The following EXOSC10 variants were observed in gnomAD, a reference collection of about 807,000 sequenced individuals.
The protein encoded by EXOSC10 is exosome component 10.
Under a neutral mutation model 126.6 loss-of-function variants are expected in EXOSC10, and 94 were observed. That is an observed-to-expected ratio of 0.74 (90% CI 0.63 to 0.88). The LOEUF (loss-of-function observed/expected upper bound fraction) is 0.88. Ranked by LOEUF, EXOSC10 falls within the 40% of genes least tolerant of loss-of-function variation. The probability of loss-of-function intolerance (pLI) is 0.00; values close to 1 mark genes in which losing one functional copy is unlikely to be tolerated. For synonymous variants in EXOSC10, 395 were observed against 400.8 expected, an observed-to-expected ratio of 0.99 and a Z score of 0.17; for missense variants, 1,041 against 1,100.5, an observed-to-expected ratio of 0.95 and a Z score of 0.77.
intron 9 of EXOSC10, among the ~76,000 whole-genome samples, chr1:11,083,308 T>A (rs1264565209): frequency 6.6e-6 from 1 of 152,122 alleles, no homozygotes; most frequent in Non-Finnish European, 1.5e-5. Context: ...ATCACGCCTG[T>A]AATCCCAGCA....
chr1:11,083,716 C>T (rs1397036827), intron 9 of EXOSC10, among the ~76,000 whole-genome samples: 7 of 151,800 alleles, frequency 4.6e-5, no homozygotes, highest in East Asian at 1.9e-4. Flanking sequence ...CATGCTGGTG[C>T]GCTGCACCCA....
chr1:11,067,178 C>T (rs903788734), intron 24 of EXOSC10, among the ~76,000 whole-genome samples: 13 of 152,034 alleles, frequency 8.6e-5, no homozygotes, highest in African/African-American at 2.9e-4. Flanking sequence ...ACGCCTGTAA[C>T]CCCAGCACTG....
intron 1 of EXOSC10, 26 bp from the exon 2 acceptor site, chr1:11,098,182 T>C: frequency 4.4e-6 from 7 of 1,588,394 alleles, no homozygotes; most frequent in Non-Finnish European, 6.0e-6. Flanking sequence ...AAAGATGGCA[T>C]GTTTACACAG....
rs534464112 is a variant in EXOSC10, at chr1:11,069,716, T to G, written c.2331A>C (p.Ala777=). ...CGCTTGTTGCTCGCTCTCTCTTCTTTGCAGCATTTTCTAGCTGTAGATCAG... is the reference window on the plus strand; with the variant it reads ...CGCTTGTTGCTCGCTCTCTCTTCTTGGCAGCATTTTCTAGCTGTAGATCAG... ...VRQQVVLENA[A]KKRERATSDP... is the part of the protein sequence containing the mutation. Residue 777 remains alanine (A), a synonymous_variant, in exon 22 of 25, where the codon GCA becomes GCC. Transcript: ENST00000376936. 6.2e-6 allele frequency: 10 copies of G among 1,613,732 alleles called. No individual in the cohort carries two copies. The East Asian group carries it at 1.3e-4, about 22-fold the overall frequency.
rs756973920 is a variant in EXOSC10, at chr1:11,091,066, T to A, written c.591A>T (p.Pro197=). The part of the protein sequence containing the change: ...FREKIDNSNT[P]FLPKIFIKPN... ...GTTTGATGAAGATTTTAGGAAGAAA[T>A]GGTGTGTTGGAATTGTCAATCTTCT... The change falls in exon 5 of 25, where the codon CCA becomes CCT. Residue 197 remains proline (P), a synonymous_variant. Transcript: ENST00000376936. 2.5e-6 allele frequency: 4 copies of A among 1,614,070 alleles called. No homozygotes were observed. The highest frequency in any genetic ancestry group is 2.5e-6 in the Non-Finnish European group (3 of 1,180,012).
At chr1:11,097,146 G>A (rs1484553605) in intron 2 of EXOSC10, among the ~76,000 whole-genome samples, 1 of 151,924 alleles carries the variant, frequency 6.6e-6, no homozygotes. Flanking sequence ...GGAGGTGGAG[G>A]TTGCTGCGAG....
intron 23 of EXOSC10, 61 bp downstream of exon 23, chr1:11,068,584 G>A: frequency 7.8e-7 from 1 of 1,277,244 alleles, no homozygotes; most frequent in Non-Finnish European, 1.1e-6. Flanking sequence ...CTTCTCAGCA[G>A]AGGAGGAGGT....
chr1:11,073,955 A>G lies in EXOSC10; in HGVS notation c.2136T>C (p.Asp712=), dbSNP rs568198105. Residue 712 remains aspartate, a synonymous_variant, in exon 19 of 25, where the codon GAT becomes GAC. Transcript: ENST00000376936. ...RAPVSQAAKF[D]PSTKIYEISN... ...TTACTTCATAGATTTTGGTTGATGG[A>G]TCGAACTTCGCTGCCTGAGAGACGG... 8.7e-6 allele frequency: 14 copies of G among 1,608,604 alleles called. No homozygotes were observed. In the South Asian group the frequency reaches 1.1e-4, roughly 13 times the overall value.
chr1:11,087,428 G>C lies in EXOSC10; in HGVS notation c.1089+20C>G. 6.2e-7 allele frequency: 1 copy of C among 1,613,920 alleles called. No homozygotes were observed. Among genetic ancestry groups the C allele is most frequent in the Non-Finnish European group, 8.5e-7 (1 of 1,179,842 alleles). On this transcript the variant is annotated intron_variant, in intron 9 of 24. Transcript: ENST00000376936. ...ATCTTGTATGAGCTCACATGCATGA[G>C]TTACAAAAGGCTGGCTGACCTTAAC...
chr1:11,091,665 T>C (rs1640814177), intron 3 of EXOSC10, 68 bp from the exon 4 acceptor site: 3 of 1,171,230 alleles, frequency 2.6e-6, no homozygotes, highest in South Asian at 1.3e-5. Flanking sequence ...CTACCTAACA[T>C]TTTATTTATT....
chr1:11,066,923 A>G (rs577091973), intron 24 of EXOSC10, among the ~76,000 whole-genome samples, 175 bp from the exon 25 acceptor site: 1 of 152,328 alleles, frequency 6.6e-6, no homozygotes, highest in South Asian at 2.1e-4. Flanking sequence ...GCATCTTGAG[A>G]AGGCAGACCT....
intron 3 of EXOSC10, among the ~76,000 whole-genome samples, chr1:11,095,030 G>C (rs560109312): frequency 3.9e-5 from 6 of 152,116 alleles, no homozygotes; most frequent in African/African-American, 1.2e-4. Context: ...TGGCTAATAT[G>C]ACAAAACGAT....
chr1:11,081,568 T>C (rs1640169574), intron 10 of EXOSC10, among the ~76,000 whole-genome samples: 1 of 152,172 alleles, frequency 6.6e-6, no homozygotes, highest in South Asian at 2.1e-4. Flanking sequence ...ACAAGTTCCT[T>C]AACCTCTTTG....
intron 10 of EXOSC10, chr1:11,082,394 A>G: frequency 2.1e-6 from 1 of 474,618 alleles, no homozygotes; most frequent in South Asian, 2.7e-5. Flanking sequence ...CATCTGGTAG[A>G]AAGATCCCAG....
intron 19 of EXOSC10, 129 bp downstream of exon 19, chr1:11,073,805 G>A (rs781108031): frequency 1.5e-5 from 10 of 679,628 alleles, no homozygotes; most frequent in Non-Finnish European, 2.5e-5. Context: ...TTGAACCTGG[G>A]AGGTGGAGGT....
chr1:11,086,235 T>C (rs1185323616), intron 9 of EXOSC10, among the ~76,000 whole-genome samples: 1 of 152,092 alleles, frequency 6.6e-6, no homozygotes, highest in Non-Finnish European at 1.5e-5. Context: ...AATTCGGCTG[T>C]GAATCCATCT....
intron 4 of EXOSC10, 149 bp downstream of exon 4, chr1:11,091,344 T>C (rs1640794522): frequency 1.1e-6 from 1 of 896,014 alleles, no homozygotes. Context: ...GAAGAGGGTG[T>C]AATTAGTTTG....
intron 22 of EXOSC10, among the ~76,000 whole-genome samples, chr1:11,069,244 TGA>T (rs1553164202): frequency 3.4e-5 from 4 of 116,806 alleles, no homozygotes; most frequent in Admixed American, 9.7e-5. Flanking sequence ...TGTGTGTGTG[TGA>T]GAGAGAGAGA....
At position 11,066,752 on chromosome 1, in the gene EXOSC10, CAG is replaced by C. The variant is rs1346203909; in HGVS notation, c.2628-6_2628-5del. On this transcript the variant is annotated splice_polypyrimidine_tract_variant and splice_region_variant and intron_variant, in intron 24 of 24. Transcript: ENST00000376936. ...TGGCCAGTTGTACCTGAAGCCTCTG[CAG>C]AGAGTACAAAAACAACAGTTATTTC... The C allele has an allele frequency of 1.2e-6, 2 of 1,614,002 alleles. No homozygotes were observed. Among genetic ancestry groups the C allele is most frequent in the African/African-American group, 1.3e-5 (1 of 74,918 alleles).
Sources: gnomAD v4.1 joint callset for allele counts (sites outside exome capture counted in the v4.1 genomes callset) on GRCh38, gnomAD v4.1.1 for gene constraint, MANE v1.5 for transcripts, NCBI Gene and HGNC (gene_info 2026-07-23, HGNC 2026-07-21) for gene names.